The following CNTN4 variants were observed in gnomAD, a reference collection of about 807,000 sequenced individuals.
CNTN4 encodes contactin 4, also known as contactin-4.
A neutral mutation model predicts 122.5 loss-of-function variants in CNTN4; 77 were observed. The observed-to-expected ratio is 0.63, with a 90% CI of 0.52 to 0.76. The LOEUF is 0.76. CNTN4 is among the 30% of genes least tolerant of loss of function. CNTN4 has a pLI of 0.00. For missense variants in CNTN4, 1,256 were observed against 1,259.1 expected, an observed-to-expected ratio of 1.00 and a Z score of 0.04; for synonymous variants, 512 against 447.0, an observed-to-expected ratio of 1.15 and a Z score of -1.83.
At chr3:2,498,992 G>A (rs554828797) in intron 3 of CNTN4, among the ~76,000 whole-genome samples, 10 of 152,112 alleles carry the variant, frequency 6.6e-5, no homozygotes, top group African/African-American at 2.4e-4. Flanking sequence ...GTTTCAACAT[G>A]TTGGCCAGGC....
intron 3 of CNTN4, among the ~76,000 whole-genome samples, chr3:2,363,436 A>G (rs1261025555): frequency 6.6e-6 from 1 of 152,188 alleles, no homozygotes; most frequent in African/African-American, 2.4e-5. Context: ...TGCTGTTAGA[A>G]CTAATCTTTC....
chr3:2,490,772 A>G (rs1207686589), intron 3 of CNTN4, among the ~76,000 whole-genome samples: 2 of 152,152 alleles, frequency 1.3e-5, no homozygotes, highest in Non-Finnish European at 2.9e-5. Flanking sequence ...TCAACTTTCA[A>G]ATCACGCCCA....
intron 8 of CNTN4, among the ~76,000 whole-genome samples, chr3:2,876,965 T>C (rs1217626593): frequency 6.6e-6 from 1 of 152,232 alleles, no homozygotes; most frequent in Admixed American, 6.5e-5. Context: ...AACATCACCT[T>C]GGACTTCTTA....
intron 4 of CNTN4, among the ~76,000 whole-genome samples, chr3:2,595,671 G>A (rs1230281665): frequency 1.3e-5 from 2 of 152,154 alleles, no homozygotes; most frequent in Non-Finnish European, 2.9e-5. Context: ...TGTATGATAA[G>A]CTGAGCTTGG....
intron 3 of CNTN4, among the ~76,000 whole-genome samples, chr3:2,425,776 C>T (rs2047804180): frequency 6.6e-6 from 1 of 152,148 alleles, no homozygotes; most frequent in Admixed American, 6.5e-5. Flanking sequence ...TTGAAGAGCT[C>T]CTTCACAACC....
chr3:2,926,252 A>G (rs572211796), intron 13 of CNTN4, among the ~76,000 whole-genome samples: 1 of 152,184 alleles, frequency 6.6e-6, no homozygotes, highest in Admixed American at 6.5e-5. Flanking sequence ...TCTTTTCAAA[A>G]CTCATACTTC....
intron 2 of CNTN4, among the ~76,000 whole-genome samples, chr3:2,315,328 C>A (rs552759773): frequency 6.6e-6 from 1 of 151,904 alleles, no homozygotes; most frequent in South Asian, 2.1e-4. Context: ...AAGGTGAAAA[C>A]TTTAGACGGG....
intron 4 of CNTN4, among the ~76,000 whole-genome samples, chr3:2,679,835 AT>A (rs2085073383): frequency 6.6e-6 from 1 of 152,128 alleles, no homozygotes; most frequent in Non-Finnish European, 1.5e-5. Context: ...ATTGCAATTT[AT>A]GTGGTTGGAT....
chr3:2,982,751 A>G (rs1390766966), intron 13 of CNTN4, among the ~76,000 whole-genome samples: 2 of 152,184 alleles, frequency 1.3e-5, no homozygotes, highest in African/African-American at 4.8e-5. Context: ...TAGTTTGTCA[A>G]ACAGCTTTCC....
At chr3:2,650,795 A>C (rs2083325479) in intron 4 of CNTN4, among the ~76,000 whole-genome samples, 1 of 152,218 alleles carries the variant, frequency 6.6e-6, no homozygotes, top group Non-Finnish European at 1.5e-5. Context: ...GCTATTGTAC[A>C]CTTATTAAAC....
chr3:2,463,803 TA>T (rs1271436221), intron 3 of CNTN4, among the ~76,000 whole-genome samples: 4 of 152,100 alleles, frequency 2.6e-5, no homozygotes, highest in Non-Finnish European at 4.4e-5. Flanking sequence ...ATTATTAAAA[TA>T]GGAATGACTT....
At chr3:2,339,264 A>C (rs547152802) in intron 3 of CNTN4, 31 bp downstream of exon 3, 4 of 152,286 alleles carry the variant, frequency 2.6e-5, no homozygotes, top group African/African-American at 9.6e-5. Context: ...GATTTTCCTT[A>C]TGTGTAGTTC....
chr3:2,147,912 C>A (rs941328319), intron 2 of CNTN4, among the ~76,000 whole-genome samples: 3 of 152,194 alleles, frequency 2.0e-5, no homozygotes, highest in African/African-American at 7.2e-5. Context: ...CATCTGTCCT[C>A]ATTAAAAACT....
chr3:2,126,668 T>C (rs1398666463), intron 2 of CNTN4, among the ~76,000 whole-genome samples: 1 of 152,168 alleles, frequency 6.6e-6, no homozygotes, highest in African/African-American at 2.4e-5. Flanking sequence ...TGGAGTGCTA[T>C]GTATGGCAAA....
At chr3:2,248,202 T>A (rs867747632) in intron 2 of CNTN4, among the ~76,000 whole-genome samples, 1 of 152,046 alleles carries the variant, frequency 6.6e-6, no homozygotes, top group Non-Finnish European at 1.5e-5. Flanking sequence ...CTTTATTTTA[T>A]ACATAGACGA....
chr3:2,420,715 G>C (rs2047583704), intron 3 of CNTN4, among the ~76,000 whole-genome samples: 2 of 151,986 alleles, frequency 1.3e-5, no homozygotes, highest in South Asian at 4.2e-4. Flanking sequence ...TGCAGCTGTG[G>C]GCCACCGCGC....
At chr3:2,218,731 C>A (rs1029418771) in intron 2 of CNTN4, among the ~76,000 whole-genome samples, 1 of 152,144 alleles carries the variant, frequency 6.6e-6, no homozygotes, top group African/African-American at 2.4e-5. Context: ...AGTTTACATA[C>A]AGCAAAGAAG....
chr3:2,815,641 CA>C (rs1199815761), intron 6 of CNTN4, among the ~76,000 whole-genome samples: 2 of 152,024 alleles, frequency 1.3e-5, no homozygotes, highest in Non-Finnish European at 2.9e-5. Context: ...GGTGGGAATG[CA>C]AACTAGTACA....
rs1005802317 is a variant in CNTN4 at position 3,037,271 on chromosome 3, G to A, written c.2035G>A (p.Val679Met). ...TGAATTCCGCACAGTTGCAGCCAACGTGATTGGGATTGGGGAGCCCAGCCG... is the reference window on the plus strand; with the variant it reads ...TGAATTCCGCACAGTTGCAGCCAACATGATTGGGATTGGGGAGCCCAGCCG... ...EYEFRTVAANVIGIGEPSRPS... is the reference protein window; with the variant it reads ...EYEFRTVAANMIGIGEPSRPS... Residue 679 changes from valine to methionine, a missense_variant, in exon 18 of 25, where the codon GTG becomes ATG. Physicochemically the swap from Val to Met is conservative, Grantham distance 21. Transcript: ENST00000418658. The A allele has an allele frequency of 3.7e-6, 6 of 1,614,066 alleles. No individual in the cohort carries two copies. In the African/African-American group the frequency reaches 6.7e-5, roughly 18 times the overall value.
Sources: gnomAD v4.1 joint callset for allele counts (sites outside exome capture counted in the v4.1 genomes callset) on GRCh38, gnomAD v4.1.1 for gene constraint, MANE v1.5 for transcripts, NCBI Gene and HGNC (gene_info 2026-07-23, HGNC 2026-07-21) for gene names.